LUZP2: variants seen among roughly 807,000 people sequenced by gnomAD.
The protein encoded by LUZP2 is leucine zipper protein 2.
In LUZP2, 52 loss-of-function variants were observed where a neutral mutation model predicts 51.6. The ratio of observed to expected loss-of-function variants is 1.01; its 90% CI spans 0.81 to 1.27. The LOEUF (loss-of-function observed/expected upper bound fraction) is 1.27, where lower values mean the gene tolerates loss of function less well. Ranked by LOEUF, LUZP2 falls within the 50% of genes most tolerant of loss-of-function variation. The probability of loss-of-function intolerance (pLI) is 0.00; values close to 1 mark genes in which losing one functional copy is unlikely to be tolerated. For missense variants in LUZP2, 436 were observed against 395.4 expected, an observed-to-expected ratio of 1.10 and a Z score of -0.87; for synonymous variants, 154 against 137.3, an observed-to-expected ratio of 1.12 and a Z score of -0.85.
At chr11:24,580,854 G>A (rs1441068119) in intron 1 of LUZP2, among the ~76,000 whole-genome samples, 1 of 151,890 alleles carries the variant, frequency 6.6e-6, no homozygotes, top group Non-Finnish European at 1.5e-5. Context: ...AGAAAATTTT[G>A]TTCTAGCATT....
chr11:24,874,630 A>G (rs1035104337), intron 5 of LUZP2, among the ~76,000 whole-genome samples: 1 of 152,118 alleles, frequency 6.6e-6, no homozygotes, highest in African/African-American at 2.4e-5. Context: ...TCTGTGATAC[A>G]AGTACTTTCT....
At chr11:24,998,097 A>T (rs1856562656) in intron 9 of LUZP2, among the ~76,000 whole-genome samples, 1 of 152,104 alleles carries the variant, frequency 6.6e-6, no homozygotes, top group South Asian at 2.1e-4. Context: ...TGACTTGGCG[A>T]TGCGGGCTCT....
intron 9 of LUZP2, among the ~76,000 whole-genome samples, chr11:25,020,201 G>A (rs966130306): frequency 1.3e-5 from 2 of 152,034 alleles, no homozygotes; most frequent in Non-Finnish European, 1.5e-5. Flanking sequence ...GCAAAAAAAG[G>A]ATGATTTTAC....
chr11:24,862,778 C>T (rs900976251), intron 5 of LUZP2, among the ~76,000 whole-genome samples: 4 of 152,126 alleles, frequency 2.6e-5, no homozygotes, highest in Non-Finnish European at 5.9e-5. Context: ...GGAAGACAAC[C>T]TGCCGAATGG....
chr11:24,800,431 G>A (rs894722958), intron 5 of LUZP2, among the ~76,000 whole-genome samples: 4 of 151,420 alleles, frequency 2.6e-5, no homozygotes, highest in Non-Finnish European at 4.4e-5. Flanking sequence ...TTAGATGCAG[G>A]ACAACAGTCT....
intron 1 of LUZP2, among the ~76,000 whole-genome samples, chr11:24,610,881 G>A (rs982026037): frequency 4.6e-5 from 7 of 152,160 alleles, no homozygotes; most frequent in African/African-American, 1.4e-4. Context: ...GGAGGCGAAG[G>A]TTGCAGTGAG....
At chr11:24,586,801 T>A (rs563338625) in intron 1 of LUZP2, among the ~76,000 whole-genome samples, 14 of 152,226 alleles carry the variant, frequency 9.2e-5, no homozygotes, top group African/African-American at 3.1e-4. Context: ...ATAGAAAGAC[T>A]AAATTACAAA....
intron 7 of LUZP2, among the ~76,000 whole-genome samples, chr11:24,920,202 G>A (rs1853995245): frequency 6.6e-6 from 1 of 151,860 alleles, no homozygotes; most frequent in Non-Finnish European, 1.5e-5. Flanking sequence ...CATTTTGATA[G>A]TTTTGTGATT....
At chr11:24,505,351 G>T (rs1850116011) in intron 1 of LUZP2, among the ~76,000 whole-genome samples, 1 of 152,068 alleles carries the variant, frequency 6.6e-6, no homozygotes, top group African/African-American at 2.4e-5. Flanking sequence ...AAATCCAAAA[G>T]AATCCAAGCT....
At chr11:24,789,698 A>G (rs1849354309) in intron 5 of LUZP2, among the ~76,000 whole-genome samples, 1 of 152,204 alleles carries the variant, frequency 6.6e-6, no homozygotes, top group Admixed American at 6.5e-5. Context: ...CAAGATCAAG[A>G]TGCCAGCAGT....
intron 7 of LUZP2, among the ~76,000 whole-genome samples, chr11:24,948,668 T>C (rs1052917062): frequency 2.6e-5 from 4 of 151,672 alleles, no homozygotes; most frequent in African/African-American, 9.7e-5. Context: ...AACTCATGGG[T>C]TTTTAGAACC....
chr11:24,672,856 G>A (rs893040573), intron 1 of LUZP2, among the ~76,000 whole-genome samples: 1 of 152,092 alleles, frequency 6.6e-6, no homozygotes, highest in Non-Finnish European at 1.5e-5. Flanking sequence ...GTACCAATCC[G>A]TGGCCTGTTA....
intron 6 of LUZP2, among the ~76,000 whole-genome samples, chr11:24,911,883 G>A (rs1301923499): frequency 5.9e-5 from 9 of 152,080 alleles, no homozygotes; most frequent in African/African-American, 4.8e-5. Context: ...AAAGCCATTG[G>A]CAACTAGGTA....
rs1473654539 is a variant in LUZP2 at position 25,031,010 on chromosome 11, TATA to T, written c.766-19027_766-19025del. Among the ~76,000 whole-genome samples the T allele has an allele frequency of 7.0e-3, 29 of 4,172 alleles. 5 individuals carry two copies. The highest frequency in any genetic ancestry group is 0.043 in the East Asian group (6 of 138). 2.7% of individuals were successfully genotyped at this position (4,172 alleles called of 152,430 possible). On this transcript the variant is annotated intron_variant, in intron 9 of 11. Coordinates refer to ENST00000336930, the MANE Select transcript of LUZP2 (RefSeq NM_001009909.4). ...ACAATATATATTATATATATATATA[TATA>T]TATTTTTTTTTTTTTTTGAGACAGA...
chr11:24,631,577 T>C (rs1854890613), intron 1 of LUZP2, among the ~76,000 whole-genome samples: 3 of 152,098 alleles, frequency 2.0e-5, no homozygotes, highest in East Asian at 3.9e-4. Flanking sequence ...TGTTACATTT[T>C]TGATGTGCTA....
intron 1 of LUZP2, among the ~76,000 whole-genome samples, chr11:24,626,310 C>CA (rs1239857883): frequency 6.6e-6 from 1 of 152,068 alleles, no homozygotes; most frequent in Non-Finnish European, 1.5e-5. Flanking sequence ...CTATCACCTG[C>CA]AAAACAAAAA....
chr11:24,901,497 G>C (rs1276952812), intron 5 of LUZP2, among the ~76,000 whole-genome samples: 1 of 151,818 alleles, frequency 6.6e-6, no homozygotes, highest in Non-Finnish European at 1.5e-5. Context: ...AATTCTTCAT[G>C]ACTTTGAAGT....
chr11:24,733,708 A>C (rs1311092128), intron 3 of LUZP2, among the ~76,000 whole-genome samples: 1 of 151,640 alleles, frequency 6.6e-6, no homozygotes, highest in African/African-American at 2.4e-5. Flanking sequence ...AAATTAGTAC[A>C]TGATGACTAT....
chr11:24,610,967 C>A (rs1590239896), intron 1 of LUZP2, among the ~76,000 whole-genome samples: 2 of 151,996 alleles, frequency 1.3e-5, no homozygotes, highest in African/African-American at 4.8e-5. Context: ...TTTAAGACTC[C>A]TTTTTAATAT....
Sources: gnomAD v4.1 joint callset for allele counts (sites outside exome capture counted in the v4.1 genomes callset) on GRCh38, gnomAD v4.1.1 for gene constraint, MANE v1.5 for transcripts, NCBI Gene and HGNC (gene_info 2026-07-23, HGNC 2026-07-21) for gene names.